Variants in LIN9 observed in about 807,000 individuals in gnomAD.
LIN9 encodes the protein lin-9 DREAM MuvB core complex component, also known as protein lin-9 homolog.
In LIN9, 18 loss-of-function variants were observed where a neutral mutation model predicts 78.0. The ratio of observed to expected loss-of-function variants is 0.23; its 90% CI spans 0.16 to 0.34. The LOEUF (loss-of-function observed/expected upper bound fraction) is 0.34. Among genes scored for constraint, LIN9 ranks in the 10% least tolerant of loss-of-function variants. The probability of loss-of-function intolerance (pLI) is 1.00; values close to 1 mark genes in which losing one functional copy is unlikely to be tolerated. For synonymous variants in LIN9, 192 were observed against 215.2 expected (o/e 0.89, Z 0.94); for missense variants, 451 against 644.1 (o/e 0.70, Z 3.25).
chr1:226,231,826 C>T lies in LIN9; in HGVS notation c.*675G>A, dbSNP rs1457945966. 1 of 230,392 alleles carries T rather than the reference C, an allele frequency of 4.3e-6. No individual in the cohort carries two copies. Among genetic ancestry groups the T allele is most frequent in the Non-Finnish European group, 8.2e-6 (1 of 121,804 alleles). The allele number at this position is 230,392 out of a possible 1,614,324, so 14.3% of individuals were successfully genotyped here. ...ATTTAGCATTTTGCACCTTTTTTCCCCCTGTTCCTTCATTTTCTTTCAACA... is the reference window on the plus strand; with the variant it reads ...ATTTAGCATTTTGCACCTTTTTTCCTCCTGTTCCTTCATTTTCTTTCAACA... On this transcript the variant is annotated 3_prime_UTR_variant, in exon 15 of 15. Transcript: ENST00000681046.
chr1:226,238,924 T>A (rs1463348735), intron 12 of LIN9, 47 bp downstream of exon 12: 1 of 1,575,276 alleles, frequency 6.3e-7, no homozygotes, highest in Admixed American at 1.9e-5. Flanking sequence ...GTAAAAGGAT[T>A]AAGCTTCAAA....
intron 6 of LIN9, among the ~76,000 whole-genome samples, chr1:226,280,530 C>T (rs1660981222): frequency 6.6e-6 from 1 of 152,144 alleles, no homozygotes; most frequent in African/African-American, 2.4e-5. Context: ...GTAATCCCAG[C>T]ACTTTGGGAG....
intron 6 of LIN9, among the ~76,000 whole-genome samples, chr1:226,284,750 A>G (rs1319185545): frequency 6.6e-6 from 1 of 152,136 alleles, no homozygotes; most frequent in Non-Finnish European, 1.5e-5. Context: ...AGGCCTGTTA[A>G]TATTTTTATT....
intron 11 of LIN9, among the ~76,000 whole-genome samples, chr1:226,241,108 G>A (rs1355151633): frequency 6.6e-6 from 1 of 152,162 alleles, no homozygotes; most frequent in African/African-American, 2.4e-5. Context: ...CATAGGCCTG[G>A]AATCATATCC....
At chr1:226,258,820 T>C (rs1347345884) in intron 10 of LIN9, among the ~76,000 whole-genome samples, 2 of 129,250 alleles carry the variant, frequency 1.5e-5, no homozygotes, top group African/African-American at 6.0e-5. Context: ...GAACCTGGGA[T>C]GTGGAGCTTG....
intron 3 of LIN9, among the ~76,000 whole-genome samples, chr1:226,297,247 T>G (rs1469183389): frequency 6.6e-6 from 1 of 152,198 alleles, no homozygotes; most frequent in Non-Finnish European, 1.5e-5. Context: ...ACCTCCTGGC[T>G]ACCTGGCAGG....
At chr1:226,271,459 AT>A (rs1660272708) in intron 7 of LIN9, among the ~76,000 whole-genome samples, 1 of 152,174 alleles carries the variant, frequency 6.6e-6, no homozygotes, top group Admixed American at 6.5e-5. Context: ...TCTCTATATG[AT>A]TTCAATCTTT....
At chr1:226,267,863 T>C in intron 8 of LIN9, 94 bp downstream of exon 8, 1 of 1,305,366 alleles carries the variant, frequency 7.7e-7, no homozygotes, top group South Asian at 1.6e-5. Flanking sequence ...TGAGATAAAG[T>C]CTTGATTCTA....
At chr1:226,290,401 C>T (rs1421451830) in intron 4 of LIN9, among the ~76,000 whole-genome samples, 3 of 149,916 alleles carry the variant, frequency 2.0e-5, no homozygotes, top group African/African-American at 7.4e-5. Flanking sequence ...AGTGCAGTGG[C>T]ACGATCTCGG....
rs141392755 is a variant in LIN9, at chr1:226,232,435, C to T, written c.*66G>A. 235 of 1,027,968 alleles carry T rather than the reference C, an allele frequency of 2.3e-4. 2 individuals carry two copies. In the East Asian group the frequency reaches 5.1e-3, roughly 22 times the overall value. The allele number at this position is 1,027,968 out of a possible 1,614,324, so 63.7% of individuals were successfully genotyped here. Reference sequence around the variant, plus strand: ...CAGTTAGGTTATTTGGTGTTGGAAGCCTATATAAAGGAAAAGAACTTCTCA... The same window carrying T: ...CAGTTAGGTTATTTGGTGTTGGAAGTCTATATAAAGGAAAAGAACTTCTCA... On this transcript the variant is annotated 3_prime_UTR_variant, in exon 15 of 15. Transcript: ENST00000681046.
chr1:226,272,203 C>T (rs1660325074), intron 7 of LIN9, among the ~76,000 whole-genome samples: 2 of 151,686 alleles, frequency 1.3e-5, no homozygotes, highest in African/African-American at 2.4e-5. Flanking sequence ...ATTACAGGCA[C>T]GTGCCACCAT....
intron 12 of LIN9, among the ~76,000 whole-genome samples, chr1:226,237,525 G>A (rs903046610): frequency 7.3e-5 from 11 of 151,618 alleles, no homozygotes; most frequent in East Asian, 1.9e-4. Context: ...CCAGCTACTC[G>A]GGAGGCTGAG....
intron 2 of LIN9, among the ~76,000 whole-genome samples, chr1:226,300,029 C>T (rs562619979): frequency 6.6e-5 from 10 of 151,744 alleles, no homozygotes; most frequent in Admixed American, 1.3e-4. Flanking sequence ...ATCTCTGCCT[C>T]CCAGGTTCAA....
At chr1:226,308,540 A>T (rs1392710417) in intron 1 of LIN9, among the ~76,000 whole-genome samples, 1 of 152,188 alleles carries the variant, frequency 6.6e-6, no homozygotes, top group Non-Finnish European at 1.5e-5. Context: ...TCTGACACGG[A>T]AACACTTCCA....
At chr1:226,269,873 G>A (rs1371111197) in intron 7 of LIN9, among the ~76,000 whole-genome samples, 4 of 152,104 alleles carry the variant, frequency 2.6e-5, no homozygotes, top group Admixed American at 6.6e-5. Context: ...GGCTTTTCCC[G>A]ATCAAGATGT....
chr1:226,301,017 T>C (rs527315491), intron 2 of LIN9, among the ~76,000 whole-genome samples, 156 bp downstream of exon 2: 59 of 152,332 alleles, frequency 3.9e-4, no homozygotes, highest in African/African-American at 1.4e-3. Context: ...TCAATTCTCC[T>C]ATAAAAGCAT....
rs986722618 is a variant in LIN9 at position 226,265,753 on chromosome 1, A to G, written c.937-119T>C. The G allele has an allele frequency of 7.3e-6, 4 of 550,542 alleles. No individual in the cohort carries two copies. Among genetic ancestry groups the G allele is most frequent in the Non-Finnish European group, 1.3e-5 (4 of 314,272 alleles). 34.1% of individuals were successfully genotyped at this position (550,542 alleles called of 1,614,324 possible). A position where few individuals can be genotyped will look rare whatever the true frequency, so the allele number is the denominator to read the frequency against. ...CTGTTGCCACTTGTGATCTCGGCTC[A>G]CTGCAATCTCTGACTCCTGGGTTCA... On this transcript the variant is annotated intron_variant, in intron 9 of 14. Transcript: ENST00000681046. The surrounding 1 kb of genome is among the most constrained non-coding windows in gnomAD (Gnocchi z 4.1).
At chr1:226,249,350 A>T (rs755613574) in intron 11 of LIN9, among the ~76,000 whole-genome samples, 1 of 152,210 alleles carries the variant, frequency 6.6e-6, no homozygotes, top group Non-Finnish European at 1.5e-5. Flanking sequence ...TCATTTTCGG[A>T]TGGCTTGTGT....
chr1:226,273,256 A>ATTTTTTTTTTTT (rs34679926), intron 7 of LIN9, among the ~76,000 whole-genome samples: 2 of 87,272 alleles, frequency 2.3e-5, no homozygotes, highest in Non-Finnish European at 4.4e-5. Context: ...TAATTAGGTA[A>ATTTTTTTTTTTT]TTTTTTTTTT....
Sources: gnomAD v4.1 joint callset for allele counts (sites outside exome capture counted in the v4.1 genomes callset) on GRCh38, gnomAD v4.1.1 for gene constraint, Gnocchi (gnomAD v3.1) non-coding constraint, MANE v1.5 for transcripts, NCBI Gene and HGNC (gene_info 2026-07-23, HGNC 2026-07-21) for gene names.